The following LRP1B variants were observed in gnomAD, a reference collection of about 807,000 sequenced individuals.
The protein encoded by LRP1B is LDL receptor related protein 1B.
LRP1B carries 217 observed loss-of-function variants against 556.6 expected under a neutral mutation model. That is an observed-to-expected ratio of 0.39 (90% CI 0.35 to 0.44). The LOEUF is 0.44. Among genes scored for constraint, LRP1B ranks in the 20% least tolerant of loss-of-function variants. The pLI is 1.00. For missense variants in LRP1B, 5,053 were observed against 5,620.8 expected, an observed-to-expected ratio of 0.90 and a Z score of 3.23; for synonymous variants, 2,047 against 1,865.8, an observed-to-expected ratio of 1.10 and a Z score of -2.50.
At chr2:141,435,031 T>A (rs1234629569) in intron 3 of LRP1B, among the ~76,000 whole-genome samples, 1 of 152,160 alleles carries the variant, frequency 6.6e-6, no homozygotes, top group African/African-American at 2.4e-5. Context: ...TTCCCCCTCA[T>A]ATTCAATCAG....
At chr2:141,640,620 A>G (rs2105363690) in intron 2 of LRP1B, among the ~76,000 whole-genome samples, 1 of 152,238 alleles carries the variant, frequency 6.6e-6, no homozygotes, top group African/African-American at 2.4e-5. Context: ...AGCCTGGCCA[A>G]CATGGTGAAA....
At position 141,211,312 on chromosome 2, in the gene LRP1B, A is replaced by AAC. The variant is rs1553476360; in HGVS notation, c.850+17870_850+17871insGT. Among the ~76,000 whole-genome samples the AAC allele has an allele frequency of 2.6e-3, 387 of 151,610 alleles. 1 individual carries two copies. The highest frequency in any genetic ancestry group is 8.1e-3 in the African/African-American group (334 of 41,358). On this transcript the variant is annotated intron_variant, in intron 6 of 90. Coordinates refer to ENST00000389484, the MANE Select transcript of LRP1B (RefSeq NM_018557.3). Reference sequence around the variant, plus strand: ...CCATTTTTCTTTTTTTTTAAAAAAAAAAAACAAAACAAAAACTAAGCATTC... The same window carrying AAC: ...CCATTTTTCTTTTTTTTTAAAAAAAAACAAAACAAAACAAAAACTAAGCATTC...
intron 3 of LRP1B, among the ~76,000 whole-genome samples, chr2:141,401,373 A>G (rs1690447599): frequency 6.6e-6 from 1 of 152,182 alleles, no homozygotes; most frequent in Admixed American, 6.5e-5. Context: ...TAAATAGAAT[A>G]TTAGGGTATT....
chr2:140,836,766 A>C (rs1691918479), intron 31 of LRP1B, among the ~76,000 whole-genome samples: 1 of 152,158 alleles, frequency 6.6e-6, no homozygotes, highest in Admixed American at 6.5e-5. Context: ...TTAAAAAAAA[A>C]GTATTGCATT....
intron 7 of LRP1B, among the ~76,000 whole-genome samples, chr2:141,160,748 A>T (rs896464482): frequency 2.0e-5 from 3 of 152,228 alleles, no homozygotes; most frequent in African/African-American, 7.2e-5. Flanking sequence ...GCCAGAAGTT[A>T]GAGTCTTGGG....
intron 1 of LRP1B, among the ~76,000 whole-genome samples, chr2:141,934,333 A>G (rs1700579328): frequency 6.6e-6 from 1 of 152,148 alleles, no homozygotes. Flanking sequence ...GAAACAATGT[A>G]TTAAAAGAAA....
chr2:141,979,521 A>AC (rs1484535523), intron 1 of LRP1B, among the ~76,000 whole-genome samples: 4 of 151,888 alleles, frequency 2.6e-5, no homozygotes, highest in African/African-American at 7.3e-5. Flanking sequence ...CTTATTTTAT[A>AC]TTTTTTCAGG....
chr2:141,579,028 G>A (rs796951527), intron 2 of LRP1B, among the ~76,000 whole-genome samples: 3 of 152,202 alleles, frequency 2.0e-5, no homozygotes, highest in African/African-American at 4.8e-5. Flanking sequence ...ATGAGGATAC[G>A]CTTTTTCTTT....
chr2:141,763,381 A>C (rs757971774), intron 2 of LRP1B, among the ~76,000 whole-genome samples: 25 of 152,150 alleles, frequency 1.6e-4, no homozygotes, highest in Non-Finnish European at 3.4e-4. Context: ...GCTTAAAATA[A>C]AAATATATAT....
intron 11 of LRP1B, among the ~76,000 whole-genome samples, chr2:141,031,709 G>T (rs1173027901): frequency 6.6e-6 from 1 of 151,760 alleles, no homozygotes; most frequent in Non-Finnish European, 1.5e-5. Context: ...TTTTATTCAC[G>T]AAGAAAACAA....
intron 39 of LRP1B, 133 bp downstream of exon 39, chr2:140,702,008 T>C: frequency 7.6e-7 from 1 of 1,321,996 alleles, no homozygotes; most frequent in Non-Finnish European, 1.0e-6. Context: ...GTACCTGCCT[T>C]TTCTGTGGAA....
At chr2:140,303,896 G>A (rs1464061946) in intron 83 of LRP1B, among the ~76,000 whole-genome samples, 1 of 151,870 alleles carries the variant, frequency 6.6e-6, no homozygotes, top group African/African-American at 2.4e-5. Context: ...ACCTATGAGT[G>A]AGAACGTGTG....
chr2:141,138,997 A>G (rs903780118), intron 7 of LRP1B, among the ~76,000 whole-genome samples: 4 of 151,978 alleles, frequency 2.6e-5, no homozygotes, highest in Non-Finnish European at 4.4e-5. Context: ...TATTTATGAA[A>G]TAGATAAATC....
chr2:140,942,504 C>T (rs76046340), intron 20 of LRP1B, among the ~76,000 whole-genome samples: 6,334 of 152,090 alleles, frequency 0.042, 167 homozygotes, highest in South Asian at 0.1. Flanking sequence ...TTTCCAAGGT[C>T]GGCATGAAAG....
At chr2:140,535,597 A>C (rs1385263854) in intron 46 of LRP1B, among the ~76,000 whole-genome samples, 1 of 152,162 alleles carries the variant, frequency 6.6e-6, no homozygotes, top group Non-Finnish European at 1.5e-5. Context: ...AAAATGAGGC[A>C]GTTTCAGATG....
At chr2:141,264,714 C>T (rs62172885) in intron 3 of LRP1B, among the ~76,000 whole-genome samples, 44,984 of 152,100 alleles carry the variant, frequency 0.3, 7,963 homozygotes, top group East Asian at 0.58. Flanking sequence ...CTTGGCCTCC[C>T]GAAGAGCTGG....
At chr2:140,433,945 G>T (rs1420754629) in intron 66 of LRP1B, among the ~76,000 whole-genome samples, 1 of 151,948 alleles carries the variant, frequency 6.6e-6, no homozygotes, top group Non-Finnish European at 1.5e-5. Flanking sequence ...GAAAGGAAGT[G>T]CAATCATATG....
At chr2:140,514,802 A>T (rs1689819534) in intron 50 of LRP1B, 30 bp from the exon 51 acceptor site, 3 of 1,589,370 alleles carry the variant, frequency 1.9e-6, no homozygotes, top group East Asian at 2.3e-5. Flanking sequence ...AAAAAAAAAA[A>T]TAGTTTGAGA....
intron 41 of LRP1B, among the ~76,000 whole-genome samples, chr2:140,650,309 T>TTTTA (rs67816685): frequency 2.4e-4 from 33 of 137,980 alleles, no homozygotes; most frequent in African/African-American, 5.4e-4. Context: ...TTATTTTTAT[T>TTTTA]TTTATTTATT....
Sources: gnomAD v4.1 joint callset for allele counts (sites outside exome capture counted in the v4.1 genomes callset) on GRCh38, gnomAD v4.1.1 for gene constraint, MANE v1.5 for transcripts, NCBI Gene and HGNC (gene_info 2026-07-23, HGNC 2026-07-21) for gene names.